FHIT: variants seen among roughly 807,000 people sequenced by gnomAD.
FHIT encodes bis(5'-adenosyl)-triphosphatase.
A neutral mutation model predicts 17.9 loss-of-function variants in FHIT; 19 were observed. The observed-to-expected ratio is 1.06, with a 90% CI of 0.74 to 1.56. FHIT has a LOEUF of 1.56. FHIT is among the 40% of genes most tolerant of loss of function. The pLI is 0.00. For missense variants in FHIT, 248 were observed against 189.2 expected, an observed-to-expected ratio of 1.31 and a Z score of -1.82; for synonymous variants, 81 against 69.7, an observed-to-expected ratio of 1.16 and a Z score of -0.81.
intron 4 of FHIT, among the ~76,000 whole-genome samples, chr3:60,650,348 T>C (rs1414663889): frequency 6.6e-6 from 1 of 152,026 alleles, no homozygotes; most frequent in East Asian, 1.9e-4. Flanking sequence ...ACCTTAGAGA[T>C]CACCCCATTC....
chr3:60,066,709 T>A (rs1258408198), intron 5 of FHIT, among the ~76,000 whole-genome samples: 1 of 131,120 alleles, frequency 7.6e-6, no homozygotes, highest in Admixed American at 9.0e-5. Flanking sequence ...CAGGCTGGAG[T>A]GCAGAGGCAC....
chr3:60,646,160 G>A (rs2039851184), intron 4 of FHIT, among the ~76,000 whole-genome samples: 1 of 152,148 alleles, frequency 6.6e-6, no homozygotes, highest in Non-Finnish European at 1.5e-5. Context: ...TGCATTTAAA[G>A]GCTACTTAGC....
chr3:60,626,297 TA>T (rs541993711), intron 4 of FHIT, among the ~76,000 whole-genome samples: 58 of 152,352 alleles, frequency 3.8e-4, no homozygotes, highest in African/African-American at 1.3e-3. Context: ...ATTGAATCTT[TA>T]TGGCACTCAA....
intron 5 of FHIT, among the ~76,000 whole-genome samples, chr3:60,114,057 AT>A (rs1559644243): frequency 4.1e-4 from 42 of 102,462 alleles, no homozygotes; most frequent in South Asian, 1.0e-3. Flanking sequence ...ATATATATAT[AT>A]ATATATATAT....
chr3:60,083,661 A>C (rs1703380752), intron 5 of FHIT, among the ~76,000 whole-genome samples: 2 of 152,148 alleles, frequency 1.3e-5, no homozygotes, highest in African/African-American at 4.8e-5. Flanking sequence ...CCTTTTCTCT[A>C]ATGTCTGGAG....
At chr3:59,804,366 T>C (rs1271947633) in intron 8 of FHIT, among the ~76,000 whole-genome samples, 2 of 152,196 alleles carry the variant, frequency 1.3e-5, no homozygotes, top group East Asian at 1.9e-4. Context: ...AAGGCTAGGT[T>C]TTCCCTTGAA....
chr3:60,093,728 A>G (rs1703825351), intron 5 of FHIT, among the ~76,000 whole-genome samples: 1 of 152,204 alleles, frequency 6.6e-6, no homozygotes, highest in African/African-American at 2.4e-5. Context: ...CGAAGGATTT[A>G]GAATGCGGGC....
At chr3:60,195,433 T>C (rs769702145) in intron 5 of FHIT, among the ~76,000 whole-genome samples, 1 of 150,902 alleles carries the variant, frequency 6.6e-6, no homozygotes, top group Non-Finnish European at 1.5e-5. Flanking sequence ...AAGTAAGTCA[T>C]GAGATCAAAA....
intron 8 of FHIT, among the ~76,000 whole-genome samples, chr3:59,907,643 C>G (rs557137354): frequency 8.5e-5 from 13 of 152,268 alleles, no homozygotes; most frequent in Admixed American, 7.2e-4. Context: ...TGTGCTCTAC[C>G]CTTGCCTTTT....
chr3:60,945,801 G>T (rs1169134052), intron 3 of FHIT, among the ~76,000 whole-genome samples: 2 of 152,212 alleles, frequency 1.3e-5, no homozygotes, highest in Non-Finnish European at 2.9e-5. Context: ...TAAGAAGTGA[G>T]ACAATCAACT....
chr3:60,365,741 G>A (rs1700080911), intron 5 of FHIT, among the ~76,000 whole-genome samples: 1 of 152,136 alleles, frequency 6.6e-6, no homozygotes, highest in Non-Finnish European at 1.5e-5. Flanking sequence ...TTAAGACATG[G>A]TTTCTCAGAA....
At chr3:59,983,378 C>A (rs1241932764) in intron 7 of FHIT, among the ~76,000 whole-genome samples, 1 of 152,096 alleles carries the variant, frequency 6.6e-6, no homozygotes, top group Non-Finnish European at 1.5e-5. Context: ...AAGTTGCCTA[C>A]AATCAACTAT....
intron 5 of FHIT, among the ~76,000 whole-genome samples, chr3:60,524,011 T>C (rs1335576692): frequency 1.3e-5 from 2 of 152,220 alleles, no homozygotes; most frequent in Admixed American, 6.5e-5. Context: ...CGTTGTCCTC[T>C]TTTATCTTTA....
At chr3:60,006,364 G>A (rs1340302132) in intron 7 of FHIT, among the ~76,000 whole-genome samples, 1 of 152,090 alleles carries the variant, frequency 6.6e-6, no homozygotes, top group African/African-American at 2.4e-5. Flanking sequence ...AATAATTAAG[G>A]GAATTTGGCA....
At chr3:60,346,557 C>A (rs6771883) in intron 5 of FHIT, among the ~76,000 whole-genome samples, 1 of 152,156 alleles carries the variant, frequency 6.6e-6, no homozygotes, top group African/African-American at 2.4e-5. Flanking sequence ...GACCTGTTAG[C>A]AGGAATCCCC....
chr3:60,705,907 A>G (rs1378064855), intron 4 of FHIT, among the ~76,000 whole-genome samples: 1 of 152,226 alleles, frequency 6.6e-6, no homozygotes, highest in Non-Finnish European at 1.5e-5. Context: ...CTTCCTTTGA[A>G]TAAGAATATA....
chr3:61,104,476 C>T (rs935186670), intron 2 of FHIT, among the ~76,000 whole-genome samples: 3 of 152,082 alleles, frequency 2.0e-5, no homozygotes, highest in Non-Finnish European at 2.9e-5. Flanking sequence ...GTGAGCTGAC[C>T]TTTCTCTCTA....
In FHIT at chr3:60,484,406, C is replaced by A. The variant is rs2033748345; in HGVS notation, c.103+52454G>T. 1.3e-5 allele frequency among the ~76,000 whole-genome samples: 2 copies of A among 152,168 alleles called. 1 individual carries two copies. The highest frequency in any genetic ancestry group is 4.1e-4 in the South Asian group (2 of 4,822). ...AATAAAGCTGGAGGTATCAGGCTAC[C>A]TGGCTTCAAACTATACTACAAGGCT... is the stretch of plus-strand genomic sequence containing the variant. On this transcript the variant is annotated intron_variant, in intron 5 of 9. Coordinates refer to ENST00000492590, the MANE Select transcript of FHIT (RefSeq NM_002012.4).
chr3:60,041,537 A>G (rs1018018884), intron 5 of FHIT, among the ~76,000 whole-genome samples: 1 of 152,250 alleles, frequency 6.6e-6, no homozygotes, highest in East Asian at 1.9e-4. Context: ...GAAAACAAGG[A>G]GCACAGGATC....
Sources: gnomAD v4.1 joint callset for allele counts (sites outside exome capture counted in the v4.1 genomes callset) on GRCh38, gnomAD v4.1.1 for gene constraint, MANE v1.5 for transcripts, NCBI Gene and HGNC (gene_info 2026-07-23, HGNC 2026-07-21) for gene names.